The following UGT1A10 variants were observed in gnomAD, a reference collection of about 807,000 sequenced individuals.
UGT1A10 encodes the protein UDP-glucuronosyltransferase 1A10.
UGT1A10 carries 49 observed loss-of-function variants against 45.8 expected under a neutral mutation model. The observed-to-expected ratio is 1.07, with a 90% CI of 0.85 to 1.36. UGT1A10 has a LOEUF of 1.36. Among genes scored for constraint, UGT1A10 ranks in the 40% most tolerant of loss-of-function variants. The pLI is 0.00. For synonymous variants in UGT1A10, 284 were observed against 249.7 expected (o/e 1.14, Z -1.29); for missense variants, 745 against 668.6 (o/e 1.11, Z -1.26).
intron 1 of UGT1A10, chr2:233,747,172 C>G: frequency 6.3e-7 from 1 of 1,596,738 alleles, no homozygotes. Flanking sequence ...GTAGGAGGCA[C>G]AGCGTGGGGT....
chr2:233,677,561 G>A (rs922418586), intron 1 of UGT1A10, among the ~76,000 whole-genome samples: 2 of 152,024 alleles, frequency 1.3e-5, no homozygotes, highest in South Asian at 2.1e-4. Flanking sequence ...ATTAAAAAAC[G>A]TAACATATGA....
intron 1 of UGT1A10, among the ~76,000 whole-genome samples, chr2:233,647,162 C>G (rs114141026): frequency 6.6e-6 from 1 of 152,144 alleles, no homozygotes; most frequent in South Asian, 2.1e-4. Context: ...TCACGGGAAA[C>G]GCCCAGCCCC....
At chr2:233,761,518 T>C (rs780967719) in intron 1 of UGT1A10, among the ~76,000 whole-genome samples, 1 of 152,242 alleles carries the variant, frequency 6.6e-6, no homozygotes, top group African/African-American at 2.4e-5. Context: ...GCAGGCAATG[T>C]TCAGGACTGA....
At chr2:233,736,278 A>G (rs1329214759) in intron 1 of UGT1A10, among the ~76,000 whole-genome samples, 1 of 152,040 alleles carries the variant, frequency 6.6e-6, no homozygotes, top group African/African-American at 2.4e-5. Flanking sequence ...AGTCACTGAT[A>G]CCCTTTCTTC....
At chr2:233,730,783 G>A (rs968780327) in intron 1 of UGT1A10, among the ~76,000 whole-genome samples, 1 of 152,100 alleles carries the variant, frequency 6.6e-6, no homozygotes, top group Non-Finnish European at 1.5e-5. Flanking sequence ...AGTGAAGCTG[G>A]GGACAGTGAT....
At position 233,726,141 on chromosome 2, in the gene UGT1A10, G is replaced by A. The variant is rs1025600360; in HGVS notation, c.856-40893G>A. On this transcript the variant is annotated intron_variant, in intron 1 of 4. Transcript: ENST00000344644. The stretch of plus-strand genomic sequence containing the variant: ...TGTTCACACCACCTCACTCCAGCCC[G>A]AGTGACAGAGTGAGGCCCCATTTCA... Among the ~76,000 whole-genome samples the A allele has an allele frequency of 5.9e-5, 9 of 152,188 alleles. No individual in the cohort carries two copies. The East Asian group carries it at 7.7e-4, about 13-fold the overall frequency.
At chr2:233,703,807 CTCTG>C (rs34781889) in intron 1 of UGT1A10, among the ~76,000 whole-genome samples, 44,412 of 151,762 alleles carry the variant, frequency 0.29, 6,672 homozygotes, top group South Asian at 0.36. Flanking sequence ...GTCTGATAAT[CTCTG>C]TCTTTTAATT....
At chr2:233,743,832 T>C in intron 1 of UGT1A10, 4 of 1,367,252 alleles carry the variant, frequency 2.9e-6, no homozygotes, top group South Asian at 2.3e-5. Context: ...GGGTGCCACT[T>C]GAGCGCCAGC....
At chr2:233,737,930 G>C (rs867585936) in intron 1 of UGT1A10, among the ~76,000 whole-genome samples, 3 of 152,128 alleles carry the variant, frequency 2.0e-5, no homozygotes, top group African/African-American at 7.2e-5. Flanking sequence ...ATTTAGTAGT[G>C]AGTCCATTGA....
At chr2:233,725,000 CG>C (rs201780710) in intron 1 of UGT1A10, among the ~76,000 whole-genome samples, 7,734 of 147,282 alleles carry the variant, frequency 0.053, 1,119 homozygotes, top group African/African-American at 0.18. Context: ...GGCTGGAGAC[CG>C]GCCCGGCCAA....
At chr2:233,719,982 G>A (rs2076818942) in intron 1 of UGT1A10, among the ~76,000 whole-genome samples, 1 of 152,176 alleles carries the variant, frequency 6.6e-6, no homozygotes, top group South Asian at 2.1e-4. Flanking sequence ...AGCTCGGCAG[G>A]ATCAGGGACA....
chr2:233,724,484 G>GAT (rs2077266609), intron 1 of UGT1A10, among the ~76,000 whole-genome samples: 7 of 76,988 alleles, frequency 9.1e-5, no homozygotes, highest in Admixed American at 2.6e-4. Flanking sequence ...CTTCTCAGAC[G>GAT]GGGCGGCCGG....
intron 1 of UGT1A10, among the ~76,000 whole-genome samples, chr2:233,696,285 A>T (rs554364174): frequency 1.9e-4 from 29 of 152,324 alleles, no homozygotes; most frequent in Admixed American, 1.7e-3. Flanking sequence ...AAAACGTAGG[A>T]CTGTAATATC....
At chr2:233,725,028 T>C (rs2077347799) in intron 1 of UGT1A10, among the ~76,000 whole-genome samples, 1 of 148,182 alleles carries the variant, frequency 6.7e-6, no homozygotes, top group African/African-American at 2.5e-5. Flanking sequence ...AAACCCGGTC[T>C]CCACCAAAAC....
At chr2:233,724,141 C>A in intron 1 of UGT1A10, among the ~76,000 whole-genome samples, 1 of 115,194 alleles carries the variant, frequency 8.7e-6, no homozygotes, top group African/African-American at 4.0e-5. Context: ...CCGGACGGGG[C>A]GGCTGGCCGG....
At chr2:233,649,440 G>T (rs752663272) in intron 1 of UGT1A10, among the ~76,000 whole-genome samples, 52 of 152,168 alleles carry the variant, frequency 3.4e-4, no homozygotes, top group Non-Finnish European at 5.4e-4. Flanking sequence ...ACTACCTGCT[G>T]CAGTAAAATG....
intron 1 of UGT1A10, among the ~76,000 whole-genome samples, chr2:233,705,131 C>T (rs1289244269): frequency 5.8e-5 from 6 of 104,174 alleles, no homozygotes; most frequent in South Asian, 6.9e-4. Flanking sequence ...AGCGAGACTT[C>T]GTCTGAAAAA....
chr2:233,772,858 A>G lies in UGT1A10; in HGVS notation c.*299A>G, dbSNP rs966644080. The G allele has an allele frequency of 2.8e-5, 20 of 719,678 alleles. No homozygotes were observed. The Admixed American group carries it at 5.6e-4, about 20-fold the overall frequency. 44.6% of individuals were successfully genotyped at this position (719,678 alleles called of 1,614,324 possible). ...TAGATTACTTTTCTTACTCTGAAAC[A>G]TGGCCTGTTTGGGAGTGCGGGATTC... On this transcript the variant is annotated 3_prime_UTR_variant, in exon 5 of 5. Coordinates refer to ENST00000344644, the MANE Select transcript of UGT1A10 (RefSeq NM_019075.4).
chr2:233,643,379 C>T (rs2073510952), intron 1 of UGT1A10, among the ~76,000 whole-genome samples: 1 of 152,068 alleles, frequency 6.6e-6, no homozygotes, highest in Non-Finnish European at 1.5e-5. Flanking sequence ...CTGGTGTTCC[C>T]TTAAGGCCCA....
Sources: allele counts gnomAD v4.1 joint callset (sites outside exome capture counted in the v4.1 genomes callset), GRCh38; gene constraint gnomAD v4.1.1; transcripts MANE v1.5; gene names NCBI Gene and HGNC (gene_info 2026-07-23, HGNC 2026-07-21).